Variants in TRPM1 observed in about 807,000 individuals in gnomAD.
TRPM1 encodes the protein TRPM1-203 APA Isoform, Intron 10.
A neutral mutation model predicts 149.4 loss-of-function variants in TRPM1; 113 were observed. That is an observed-to-expected ratio of 0.76 (90% CI 0.65 to 0.88). The LOEUF is 0.88. Ranked by LOEUF, TRPM1 falls within the 40% of genes least tolerant of loss-of-function variation. The probability of loss-of-function intolerance (pLI) is 0.00; values close to 1 mark genes in which losing one functional copy is unlikely to be tolerated. For synonymous variants in TRPM1, 741 were observed against 759.5 expected, an observed-to-expected ratio of 0.98 and a Z score of 0.40; for missense variants, 1,976 against 2,038.7, an observed-to-expected ratio of 0.97 and a Z score of 0.59.
At chr15:31,087,687 C>T (rs1054815594) in intron 1 of TRPM1, among the ~76,000 whole-genome samples, 9 of 152,106 alleles carry the variant, frequency 5.9e-5, no homozygotes, top group African/African-American at 9.7e-5. Flanking sequence ...AAATATGATT[C>T]AGCAGGAAGG....
intron 1 of TRPM1, among the ~76,000 whole-genome samples, chr15:31,084,183 G>C (rs1441073586): frequency 6.6e-6 from 1 of 152,064 alleles, no homozygotes; most frequent in East Asian, 1.9e-4. Flanking sequence ...ATTTTTCTTT[G>C]TACTTTCTTT....
intron 3 of TRPM1, among the ~76,000 whole-genome samples, chr15:31,072,422 A>T (rs1009942911): frequency 3.9e-5 from 6 of 152,150 alleles, no homozygotes; most frequent in African/African-American, 1.4e-4. Flanking sequence ...TCTATTTATC[A>T]TTTAATGGAC....
At chr15:31,027,253 G>C in intron 25 of TRPM1, 136 bp from the exon 26 acceptor site, 1 of 766,456 alleles carries the variant, frequency 1.3e-6, no homozygotes, top group Non-Finnish European at 2.1e-6. Flanking sequence ...CTGATTCCTT[G>C]ATTATCCAAT....
intron 2 of TRPM1, among the ~76,000 whole-genome samples, chr15:31,079,809 A>C (rs943225968): frequency 5.3e-5 from 8 of 152,220 alleles, no homozygotes; most frequent in Non-Finnish European, 1.0e-4. Context: ...GAGCATACTC[A>C]TGCTCCAATA....
chr15:31,108,572 C>A (rs1030347883), intron 1 of TRPM1, among the ~76,000 whole-genome samples: 1 of 152,228 alleles, frequency 6.6e-6, no homozygotes, highest in Non-Finnish European at 1.5e-5. Context: ...CAGCTCACTG[C>A]AACCTCTGCA....
chr15:31,026,292 C>A, intron 26 of TRPM1, 21 bp from the exon 27 acceptor site: 2 of 1,607,566 alleles, frequency 1.2e-6, no homozygotes, highest in South Asian at 1.1e-5. Context: ...GGAGAAGTGT[C>A]GGCCACGTGA....
At chr15:31,014,434 G>A (rs2032288585) in intron 27 of TRPM1, among the ~76,000 whole-genome samples, 1 of 152,216 alleles carries the variant, frequency 6.6e-6, no homozygotes, top group Admixed American at 6.5e-5. Context: ...TACTAGGAAT[G>A]CAGGTTGTTG....
At chr15:31,126,038 A>G (rs1333009597) in intron 1 of TRPM1, among the ~76,000 whole-genome samples, 4 of 152,014 alleles carry the variant, frequency 2.6e-5, no homozygotes, top group Non-Finnish European at 1.5e-5. Context: ...AGGCTGAGGC[A>G]GGAGAATCAC....
At chr15:31,116,845 A>T (rs2035804364) in intron 1 of TRPM1, among the ~76,000 whole-genome samples, 1 of 152,310 alleles carries the variant, frequency 6.6e-6, no homozygotes, top group East Asian at 1.9e-4. Flanking sequence ...CCCTGGCCAG[A>T]TAAACATAAA....
At chr15:31,085,930 A>G (rs2034988497) in intron 1 of TRPM1, among the ~76,000 whole-genome samples, 1 of 152,086 alleles carries the variant, frequency 6.6e-6, no homozygotes, top group African/African-American at 2.4e-5. Context: ...TTAGAGAAAG[A>G]CCCCAGGCCC....
chr15:31,076,129 G>A (rs1400797151), intron 3 of TRPM1, among the ~76,000 whole-genome samples: 2 of 151,962 alleles, frequency 1.3e-5, no homozygotes, highest in Non-Finnish European at 2.9e-5. Context: ...TCTTACCTCG[G>A]GGGGCAATCA....
chr15:31,041,146 C>G (rs1449814131), intron 17 of TRPM1, among the ~76,000 whole-genome samples: 1 of 150,450 alleles, frequency 6.6e-6, no homozygotes, highest in Non-Finnish European at 1.5e-5. Context: ...ATAAACGTTC[C>G]AAGTTCCTTC....
chr15:31,025,280 T>A (rs2032685244), intron 27 of TRPM1, among the ~76,000 whole-genome samples: 1 of 152,182 alleles, frequency 6.6e-6, no homozygotes, highest in Non-Finnish European at 1.5e-5. Context: ...CCAAGATCTT[T>A]AGCAGGCTGA....
intron 1 of TRPM1, among the ~76,000 whole-genome samples, chr15:31,088,903 C>T (rs979376951): frequency 1.3e-5 from 2 of 152,014 alleles, no homozygotes; most frequent in Non-Finnish European, 2.9e-5. Context: ...CAGTGTTTGC[C>T]TACCAGAAGT....
At chr15:31,133,524 C>T (rs1052701494) in intron 1 of TRPM1, among the ~76,000 whole-genome samples, 8 of 152,042 alleles carry the variant, frequency 5.3e-5, no homozygotes, top group Non-Finnish European at 5.9e-5. Context: ...GGTGAAACCC[C>T]GTCTCTACAA....
At position 31,050,539 on chromosome 15, in the gene TRPM1, TCC is replaced by T. The variant is rs2033918951; in HGVS notation, c.1305_1306del (p.Lys437GlyfsTer33). ...GGCCATGGGTGGCTTCTTCTCCTTC[TCC>T]GTGGCTTTGCTGTCCGTCGGGGGTG... On this transcript the variant is annotated frameshift_variant, in exon 12 of 28. Coordinates refer to ENST00000256552, the MANE Select transcript of TRPM1 (RefSeq NM_001252024.2). LOFTEE classifies it high-confidence loss of function. The T allele has an allele frequency of 6.2e-7, 1 of 1,614,022 alleles. No homozygotes were observed.
At chr15:31,084,397 A>G (rs1359280720) in intron 1 of TRPM1, among the ~76,000 whole-genome samples, 1 of 151,982 alleles carries the variant, frequency 6.6e-6, no homozygotes, top group Non-Finnish European at 1.5e-5. Context: ...GGCAACCACA[A>G]ATCCACTTTC....
intron 27 of TRPM1, among the ~76,000 whole-genome samples, chr15:31,022,846 C>T (rs2032594845): frequency 6.6e-6 from 1 of 152,180 alleles, no homozygotes. Context: ...GAGACTTCCT[C>T]TCTACTAAAA....
At chr15:31,092,264 C>T (rs541139473) in intron 1 of TRPM1, among the ~76,000 whole-genome samples, 4 of 152,010 alleles carry the variant, frequency 2.6e-5, no homozygotes, top group African/African-American at 4.8e-5. Context: ...ACCACCGTGA[C>T]GGTCCCACAG....
Sources: allele counts gnomAD v4.1 joint callset (sites outside exome capture counted in the v4.1 genomes callset), GRCh38; gene constraint gnomAD v4.1.1; transcripts MANE v1.5; gene names NCBI Gene and HGNC (gene_info 2026-07-23, HGNC 2026-07-21).